CCDC7: variants seen among roughly 807,000 people sequenced by gnomAD.
The protein encoded by CCDC7 is coiled-coil domain containing 7.
CCDC7 carries 183 observed loss-of-function variants against 196.9 expected under a neutral mutation model. The ratio of observed to expected loss-of-function variants is 0.93; its 90% CI spans 0.82 to 1.05. The LOEUF is 1.05. Ranked by LOEUF, CCDC7 falls within the 50% of genes least tolerant of loss-of-function variation. The pLI, the probability that CCDC7 is intolerant of heterozygous loss-of-function variation, is 0.00. For synonymous variants in CCDC7, 525 were observed against 484.6 expected (o/e 1.08, Z -1.10); for missense variants, 1,540 against 1,482.2 (o/e 1.04, Z -0.64).
At chr10:32,830,593 T>G (rs868346586) in intron 32 of CCDC7, among the ~76,000 whole-genome samples, 1 of 152,148 alleles carries the variant, frequency 6.6e-6, no homozygotes, top group Non-Finnish European at 1.5e-5. Context: ...ACAAAAAGAT[T>G]AAAAGTATTT....
chr10:32,474,153 G>A, intron 8 of CCDC7, 130 bp downstream of exon 9: 1 of 722,710 alleles, frequency 1.4e-6, no homozygotes, highest in East Asian at 4.5e-5. Context: ...AGTTGAGCTG[G>A]TTGTCAAGCA....
At chr10:32,820,921 C>G (rs1398852114) in intron 31 of CCDC7, among the ~76,000 whole-genome samples, 2 of 152,104 alleles carry the variant, frequency 1.3e-5, no homozygotes, top group Non-Finnish European at 2.9e-5. Flanking sequence ...GACTTCATGT[C>G]TAAAACACCA....
At chr10:32,595,861 G>T (rs797001390) in intron 18 of CCDC7, among the ~76,000 whole-genome samples, 2 of 152,184 alleles carry the variant, frequency 1.3e-5, no homozygotes, top group Non-Finnish European at 2.9e-5. Context: ...TTTTGAGTGA[G>T]TTGCTTAATC....
rs769652658 is a variant in CCDC7 at position 32,694,998 on chromosome 10, TATA to T, written c.2458+12_2458+14del. 1 of 1,440,356 alleles carries T rather than the reference TATA, an allele frequency of 6.9e-7. No individual in the cohort carries two copies. Among genetic ancestry groups the T allele is most frequent in the South Asian group, 1.3e-5 (1 of 77,414 alleles). The allele number at this position is 1,440,356 out of a possible 1,614,324, so 89.2% of individuals were successfully genotyped here. A position where few individuals can be genotyped will look rare whatever the true frequency, so the allele number is the denominator to read the frequency against. On this transcript the variant is annotated splice_region_variant and intron_variant, in intron 24 of 41. Coordinates refer to ENST00000639629, the Ensembl canonical transcript of CCDC7. ...TAGAGAGAAAAGACATAGTAGTAAG[TATA>T]ATAATTATAGATAACTTAAAAATTT...
At chr10:32,750,710 C>G (rs2075526464) in intron 28 of CCDC7, among the ~76,000 whole-genome samples, 1 of 152,136 alleles carries the variant, frequency 6.6e-6, no homozygotes, top group African/African-American at 2.4e-5. Context: ...TTGAAACATA[C>G]AGTAACTGGA....
In CCDC7 at chr10:32,571,200, G is replaced by T. The variant is rs1034284462; in HGVS notation, c.1420-659G>T. On this transcript the variant is annotated intron_variant, in intron 15 of 41. Coordinates refer to ENST00000639629, the Ensembl canonical transcript of CCDC7. ...ATTTTTGTATGTTTAGTAGAGAGGGGGTTTCACCATGTTGGCCATGGTAGT... is the reference window on the plus strand; with the variant it reads ...ATTTTTGTATGTTTAGTAGAGAGGGTGTTTCACCATGTTGGCCATGGTAGT... 2.6e-5 allele frequency among the ~76,000 whole-genome samples: 4 copies of T among 151,968 alleles called. No homozygotes were observed. The South Asian group carries it at 8.3e-4, about 32-fold the overall frequency.
chr10:32,485,161 TG>T (rs1366412785), intron 8 of CCDC7, among the ~76,000 whole-genome samples: 2 of 152,260 alleles, frequency 1.3e-5, no homozygotes, highest in African/African-American at 4.8e-5. Context: ...TATTAATTAT[TG>T]CCTCAATTTC....
chr10:32,682,359 T>C (rs2075968365), intron 21 of CCDC7, among the ~76,000 whole-genome samples: 1 of 152,234 alleles, frequency 6.6e-6, no homozygotes, highest in Non-Finnish European at 1.5e-5. Context: ...ATACAATTTA[T>C]GGTGTACATG....
intron 6 of CCDC7, among the ~76,000 whole-genome samples, chr10:32,472,139 C>T (rs1032661220): frequency 2.0e-5 from 3 of 152,098 alleles, no homozygotes; most frequent in African/African-American, 7.2e-5. Flanking sequence ...CACTCCGGAA[C>T]TTATGTCCTT....
At chr10:32,748,825 G>A (rs2075234436) in intron 28 of CCDC7, among the ~76,000 whole-genome samples, 1 of 152,170 alleles carries the variant, frequency 6.6e-6, no homozygotes, top group Admixed American at 6.5e-5. Context: ...CGTGTCCTGA[G>A]AGCAGACCTT....
intron 5 of CCDC7, among the ~76,000 whole-genome samples, chr10:32,464,592 C>CT (rs1233096040): frequency 6.6e-6 from 1 of 152,162 alleles, no homozygotes; most frequent in African/African-American, 2.4e-5. Context: ...TCACTGAAGC[C>CT]TTGACCTCCC....
chr10:32,616,340 G>A (rs1055375265), intron 18 of CCDC7, among the ~76,000 whole-genome samples: 1 of 151,858 alleles, frequency 6.6e-6, no homozygotes, highest in African/African-American at 2.4e-5. Context: ...TCTTTCATTA[G>A]TGTGTTATAG....
At chr10:32,471,116 C>G in exon 6 of CCDC7, 1 of 1,612,000 alleles carries the variant, frequency 6.2e-7, no homozygotes, top group South Asian at 1.1e-5. Flanking sequence ...CCTGACAAAA[C>G]AGTCATTTTA....
At chr10:32,571,836 A>G in intron 15 of CCDC7, 23 bp from the exon 17 acceptor site, 5 of 1,528,950 alleles carry the variant, frequency 3.3e-6, no homozygotes, top group Non-Finnish European at 4.4e-6. Flanking sequence ...ATATTTTTAA[A>G]TGTAGTATTA....
intron 21 of CCDC7, among the ~76,000 whole-genome samples, chr10:32,672,061 G>T (rs2074165665): frequency 6.6e-6 from 1 of 152,114 alleles, no homozygotes; most frequent in Non-Finnish European, 1.5e-5. Context: ...TATTTGATTA[G>T]TGGTGCCAAT....
chr10:32,779,084 G>T lies in CCDC7; in HGVS notation c.3013G>T (p.Glu1005Ter). The change falls in exon 29 of 42, where the codon GAG becomes TAG. Residue 1005 changes from glutamate (E) to a stop codon, truncating the protein, a stop_gained and splice_region_variant. Transcript: ENST00000639629. LOFTEE classifies it high-confidence loss of function. ...TCAATTTGATTTAAACAAAGTGGTC[G>T]GTAAGTATAGATTTATGTTTGGATA... is the stretch of plus-strand genomic sequence containing the variant. The T allele has an allele frequency of 6.5e-7, 1 of 1,532,672 alleles. No homozygotes were observed. Among genetic ancestry groups the T allele is most frequent in the Non-Finnish European group, 8.8e-7 (1 of 1,131,464 alleles). 94.9% of individuals were successfully genotyped at this position (1,532,672 alleles called of 1,614,324 possible).
chr10:32,845,798 C>CAT (rs2093260635), intron 35 of CCDC7, 78 bp from the exon 37 acceptor site: 56 of 684,666 alleles, frequency 8.2e-5, no homozygotes, highest in Non-Finnish European at 1.1e-4. Flanking sequence ...CACACACATA[C>CAT]ACACACACAC....
chr10:32,760,607 A>T (rs1461631103), intron 28 of CCDC7, among the ~76,000 whole-genome samples: 4 of 152,048 alleles, frequency 2.6e-5, no homozygotes, highest in Non-Finnish European at 5.9e-5. Flanking sequence ...GGGTGGGAGG[A>T]TGAGGGAGGG....
chr10:32,633,869 G>A (rs2065240918), intron 18 of CCDC7, among the ~76,000 whole-genome samples: 1 of 151,544 alleles, frequency 6.6e-6, no homozygotes, highest in Non-Finnish European at 1.5e-5. Context: ...TATTTCTCCA[G>A]TAAAGGTAAC....
Sources: gnomAD v4.1 joint callset for allele counts (sites outside exome capture counted in the v4.1 genomes callset) on GRCh38, gnomAD v4.1.1 for gene constraint, MANE v1.5 for transcripts, NCBI Gene and HGNC (gene_info 2026-07-23, HGNC 2026-07-21) for gene names.